RUFY3: variants seen among roughly 807,000 people sequenced by gnomAD.
RUFY3 encodes RUN and FYVE domain containing 3, also known as protein RUFY3.
RUFY3 carries 34 observed loss-of-function variants against 84.0 expected under a neutral mutation model. The observed-to-expected ratio is 0.40, with a 90% CI of 0.31 to 0.54. The LOEUF (loss-of-function observed/expected upper bound fraction) is 0.54, where lower values mean the gene tolerates loss of function less well. RUFY3 is among the 20% of genes least tolerant of loss of function. The probability of loss-of-function intolerance (pLI) is 0.39; values close to 1 mark genes in which losing one functional copy is unlikely to be tolerated. For synonymous variants in RUFY3, 242 were observed against 252.9 expected (o/e 0.96, Z 0.41); for missense variants, 507 against 736.8 (o/e 0.69, Z 3.61).
intron 12 of RUFY3, 39 bp downstream of exon 12, chr4:70,789,631 T>G (rs768442119): frequency 1.9e-6 from 3 of 1,602,938 alleles, no homozygotes; most frequent in Non-Finnish European, 2.6e-6. Context: ...CTTTGGATTG[T>G]CAGTGCTGAA....
chr4:70,774,052 A>T (rs995446436), intron 6 of RUFY3, among the ~76,000 whole-genome samples: 11 of 152,192 alleles, frequency 7.2e-5, no homozygotes, highest in African/African-American at 2.7e-4. Flanking sequence ...CTTTTAAAAT[A>T]TTCATTATGG....
At chr4:70,803,344 T>A (rs1732469947) in intron 16 of RUFY3, among the ~76,000 whole-genome samples, 1 of 152,176 alleles carries the variant, frequency 6.6e-6, no homozygotes, top group Non-Finnish European at 1.5e-5. Flanking sequence ...ACTTTGTTAA[T>A]CTAATAGTAT....
At chr4:70,778,547 T>C (rs1728343643) in intron 8 of RUFY3, 109 bp downstream of exon 8, 6 of 617,616 alleles carry the variant, frequency 9.7e-6, no homozygotes, top group South Asian at 4.1e-5. Flanking sequence ...TCAAATAATA[T>C]TGACTGTAGT....
intron 1 of RUFY3, among the ~76,000 whole-genome samples, chr4:70,726,651 C>T (rs952622152): frequency 2.6e-5 from 4 of 152,236 alleles, no homozygotes; most frequent in Non-Finnish European, 4.4e-5. Flanking sequence ...GGATTACAGG[C>T]GTGAGCCACC....
rs1251258550 is a variant in RUFY3 at position 70,774,667 on chromosome 4, AT to A, written c.759-500del. 3.9e-4 allele frequency among the ~76,000 whole-genome samples: 53 copies of A among 136,590 alleles called. 1 individual carries two copies. Among genetic ancestry groups the A allele is most frequent in the African/African-American group, 1.1e-3 (40 of 36,290 alleles). The allele number at this position is 136,590 out of a possible 152,430, so 89.6% of individuals were successfully genotyped here. On this transcript the variant is annotated intron_variant, in intron 6 of 17. Transcript: ENST00000381006. ...AAAATATATATATATATATATATAT[AT>A]ATAAAATAAACATTCAATCTTCGTG...
In RUFY3 at chr4:70,711,064, G is replaced by GAA. The variant is rs950005722; in HGVS notation, c.358+5796_358+5797dup. Among the ~76,000 whole-genome samples, 158 of 54,050 alleles carry GAA rather than the reference G, an allele frequency of 2.9e-3. 8 individuals carry two copies. Among genetic ancestry groups the GAA allele is most frequent in the African/African-American group, 8.1e-3 (147 of 18,142 alleles). 35.5% of individuals were successfully genotyped at this position (54,050 alleles called of 152,430 possible). A position where few individuals can be genotyped will look rare whatever the true frequency, so the allele number is the denominator to read the frequency against. ...GGGCCACAGAGCAAGACTCCGTCTGGAAAAAAAAAAAAAAAAAAAAAAAAA... is the reference window on the plus strand; with the variant it reads ...GGGCCACAGAGCAAGACTCCGTCTGGAAAAAAAAAAAAAAAAAAAAAAAAAAA... On this transcript the variant is annotated intron_variant, in intron 1 of 11. Coordinates refer to the RUFY3 transcript ENST00000417478.
chr4:70,791,200 TC>T (rs765426889), intron 12 of RUFY3: 1 of 1,595,242 alleles, frequency 6.3e-7, no homozygotes, highest in South Asian at 1.1e-5. Flanking sequence ...TCCTTTCACT[TC>T]ATTGTCATTT....
At chr4:70,744,378 G>A (rs1034711522) in intron 1 of RUFY3, among the ~76,000 whole-genome samples, 1 of 151,248 alleles carries the variant, frequency 6.6e-6, no homozygotes, top group African/African-American at 2.4e-5. Flanking sequence ...ATGTATGTAT[G>A]TATGTAGAGA....
At position 70,768,643 on chromosome 4, in the gene RUFY3, A is replaced by C. The variant is rs371685617; in HGVS notation, c.678A>C (p.Gly226=). Residue 226 remains glycine, a synonymous_variant, in exon 5 of 18, where the codon GGA becomes GGC. Coordinates refer to ENST00000381006, the MANE Select transcript of RUFY3 (RefSeq NM_001037442.4). ...NVIDANFCMK[G]EDLDSQVGVI... ...TTGATGCCAATTTCTGTATGAAAGGAGAAGACTTGGACTCTCAGGTATGGG... is the reference window on the plus strand; with the variant it reads ...TTGATGCCAATTTCTGTATGAAAGGCGAAGACTTGGACTCTCAGGTATGGG... 2.5e-6 allele frequency: 4 copies of C among 1,613,800 alleles called. No homozygotes were observed. The East Asian group carries it at 8.9e-5, about 36-fold the overall frequency.
At chr4:70,804,112 A>G (rs914900151) in intron 16 of RUFY3, among the ~76,000 whole-genome samples, 1 of 152,138 alleles carries the variant, frequency 6.6e-6, no homozygotes, top group Admixed American at 6.5e-5. Context: ...CTATACTTGC[A>G]TGTGTTTGAA....
At chr4:70,740,096 G>T (rs951058333) in intron 1 of RUFY3, among the ~76,000 whole-genome samples, 8 of 152,026 alleles carry the variant, frequency 5.3e-5, no homozygotes, top group African/African-American at 1.9e-4. Flanking sequence ...ATTTAAGCTG[G>T]TGGCACTGTA....
At chr4:70,713,014 A>G (rs1035820147) in intron 1 of RUFY3, among the ~76,000 whole-genome samples, 22 of 151,582 alleles carry the variant, frequency 1.5e-4, no homozygotes, top group African/African-American at 4.8e-4. Flanking sequence ...GTGAAAGGAA[A>G]TTTTTTTTTG....
At chr4:70,792,182 G>A in intron 12 of RUFY3, 3 of 985,388 alleles carry the variant, frequency 3.0e-6, no homozygotes, top group Non-Finnish European at 3.6e-6. Context: ...TTATATTGGA[G>A]TAAAAAGGAC....
intron 1 of RUFY3, among the ~76,000 whole-genome samples, chr4:70,742,443 C>G (rs10020159): frequency 0.066 from 10,024 of 152,242 alleles, 874 homozygotes; most frequent in African/African-American, 0.2. Context: ...TCCTGCCCAC[C>G]TCCTCCTCTC....
At chr4:70,776,939 C>T (rs562731320) in intron 7 of RUFY3, among the ~76,000 whole-genome samples, 1 of 152,060 alleles carries the variant, frequency 6.6e-6, no homozygotes, top group Non-Finnish European at 1.5e-5. Context: ...ATTTTTTTAT[C>T]TTAGGAGAAG....
chr4:70,742,792 C>G (rs1721534268), intron 1 of RUFY3, among the ~76,000 whole-genome samples: 1 of 152,202 alleles, frequency 6.6e-6, no homozygotes, highest in Non-Finnish European at 1.5e-5. Context: ...GCTTTACCCT[C>G]TCTGTTGATG....
chr4:70,735,226 C>T (rs183511363), intron 1 of RUFY3, among the ~76,000 whole-genome samples: 4 of 152,252 alleles, frequency 2.6e-5, no homozygotes, highest in African/African-American at 7.2e-5. Context: ...TTTGATGGTG[C>T]CCCTCCTGAG....
At chr4:70,758,143 A>G (rs1724353900) in intron 1 of RUFY3, among the ~76,000 whole-genome samples, 1 of 152,238 alleles carries the variant, frequency 6.6e-6, no homozygotes, top group South Asian at 2.1e-4. Flanking sequence ...AAACACCCAT[A>G]CCAACAAACA....
At chr4:70,760,857 C>T (rs1724914239) in intron 1 of RUFY3, among the ~76,000 whole-genome samples, 1 of 152,180 alleles carries the variant, frequency 6.6e-6, no homozygotes, top group Non-Finnish European at 1.5e-5. Context: ...CCTCAGACAA[C>T]ATAACAACAA....
Sources: gnomAD v4.1 joint callset for allele counts (sites outside exome capture counted in the v4.1 genomes callset) on GRCh38, gnomAD v4.1.1 for gene constraint, MANE v1.5 for transcripts, NCBI Gene and HGNC (gene_info 2026-07-23, HGNC 2026-07-21) for gene names.